Variants in ADGRB1 observed in about 807,000 individuals in gnomAD.
ADGRB1 encodes adhesion G protein-coupled receptor B1.
ADGRB1 carries 36 observed loss-of-function variants against 175.7 expected under a neutral mutation model. That is an observed-to-expected ratio of 0.20 (90% CI 0.16 to 0.27). The LOEUF is 0.27. Ranked by LOEUF, ADGRB1 falls within the 10% of genes least tolerant of loss-of-function variation. The pLI, the probability that ADGRB1 is intolerant of heterozygous loss-of-function variation, is 1.00. For synonymous variants in ADGRB1, 1,054 were observed against 979.4 expected (o/e 1.08, Z -1.42); for missense variants, 1,731 against 2,255.3 (o/e 0.77, Z 4.71).
intron 3 of ADGRB1, among the ~76,000 whole-genome samples, chr8:142,476,256 C>G (rs1840967061): frequency 6.6e-6 from 1 of 152,184 alleles, no homozygotes; most frequent in Non-Finnish European, 1.5e-5. Context: ...TGGGGAGGGC[C>G]CCGGGGCATC....
intron 30 of ADGRB1, among the ~76,000 whole-genome samples, 189 bp from the exon 31 acceptor site, chr8:142,544,031 A>G (rs1845446684): frequency 1.3e-5 from 2 of 151,890 alleles, no homozygotes; most frequent in South Asian, 4.2e-4. Context: ...TGGGGAGAGG[A>G]TCTGTGCCTG....
chr8:142,533,306 G>T lies in ADGRB1; in HGVS notation c.3410G>T (p.Trp1137Leu). 1 of 1,544,632 alleles carries T rather than the reference G, an allele frequency of 6.5e-7. No individual in the cohort carries two copies. ...KLKERAGASLWSSCVVLPLLA... is the reference protein window; with the variant it reads ...KLKERAGASLLSSCVVLPLLA... ...CCCTCCATCCCCAGGGCCTCCCTGT[G>T]GAGCTCCTGCGTGGTGCTGCCGCTG... The change falls in exon 25 of 31, where the codon TGG becomes TTG. Residue 1137 changes from tryptophan (W) to leucine (L), a missense_variant. Trp to Leu is a moderately conservative substitution (Grantham distance 61, BLOSUM62 -2). Coordinates refer to ENST00000517894, the MANE Select transcript of ADGRB1 (RefSeq NM_001702.3).
chr8:142,450,569 G>GC (rs1839286479), intron 1 of ADGRB1, among the ~76,000 whole-genome samples: 1 of 152,014 alleles, frequency 6.6e-6, no homozygotes, highest in Admixed American at 6.5e-5. Flanking sequence ...GCTCCGGAGA[G>GC]CCCCCGAGCG....
chr8:142,477,204 C>T lies in ADGRB1; in HGVS notation c.1148C>T (p.Ser383Phe), dbSNP rs1212992283. 1.9e-6 allele frequency: 3 copies of T among 1,600,090 alleles called. No individual in the cohort carries two copies. Among genetic ancestry groups the T allele is most frequent in the African/African-American group, 2.7e-5 (2 of 74,844 alleles). Residue 383 changes from serine to phenylalanine, a missense_variant, in exon 5 of 31, where the codon TCC (serine) becomes TTC (phenylalanine). Transcript: ENST00000517894. The stretch of plus-strand genomic sequence containing the variant: ...CAGACCCGCACGCGCTTCTGCGTGT[C>T]CTCCTCCTACAGCACGCAGTGCAGC... ...GWQTRTRFCV[S>F]SSYSTQCSGP... is the part of the protein sequence containing the mutation.
chr8:142,475,334 C>A, intron 2 of ADGRB1, 140 bp from the exon 3 acceptor site: 1 of 896,078 alleles, frequency 1.1e-6, no homozygotes, highest in Non-Finnish European at 1.5e-6. Flanking sequence ...CCCCCAGGTC[C>A]TCCCAGGCCA....
At chr8:142,490,673 A>G (rs1440531039) in intron 16 of ADGRB1, 99 bp from the exon 17 acceptor site, 1 of 1,380,434 alleles carries the variant, frequency 7.2e-7, no homozygotes, top group African/African-American at 1.4e-5. Flanking sequence ...CACAGGTAGC[A>G]TGCCTGGTAG....
chr8:142,484,507 A>G (rs1841557453), intron 12 of ADGRB1, 149 bp from the exon 13 acceptor site: 1 of 763,680 alleles, frequency 1.3e-6, no homozygotes, highest in African/African-American at 1.8e-5. Context: ...TCTCATCCCC[A>G]AAGTGGGGTA....
At chr8:142,471,095 G>T (rs1006680760) in intron 2 of ADGRB1, among the ~76,000 whole-genome samples, 1 of 152,034 alleles carries the variant, frequency 6.6e-6, no homozygotes, top group African/African-American at 2.4e-5. Flanking sequence ...CACTGTCAGG[G>T]GTTTCTGGCT....
At chr8:142,465,595 C>T (rs1170314662) in intron 2 of ADGRB1, among the ~76,000 whole-genome samples, 1 of 152,076 alleles carries the variant, frequency 6.6e-6, no homozygotes, top group East Asian at 1.9e-4. Context: ...GCAGTGAAAA[C>T]CCTCCAGAGC....
Position 142,544,594 on chromosome 8 carries a change from C to A in ADGRB1, c.*177C>A. 1 of 737,374 alleles carries A rather than the reference C, an allele frequency of 1.4e-6. No homozygotes were observed. The highest frequency in any genetic ancestry group is 1.9e-6 in the Non-Finnish European group (1 of 514,534). 45.7% of individuals were successfully genotyped at this position (737,374 alleles called of 1,614,324 possible). On this transcript the variant is annotated 3_prime_UTR_variant, in exon 31 of 31. Coordinates refer to ENST00000517894, the MANE Select transcript of ADGRB1 (RefSeq NM_001702.3). ...GCAGTGCTGGGACCAGAGCCAGATG[C>A]AGGACAGGAGGCGGCCCGGCCAGCG...
At position 142,484,564 on chromosome 8, in the gene ADGRB1, A is replaced by C. The variant is rs1841559850; in HGVS notation, c.2200-92A>C. ...TTCCTCAAAATGTTAGGAAATGGCC[A>C]ATAAGAAAAGGAGGGACAGGGAAGG... On this transcript the variant is annotated intron_variant, in intron 12 of 30. Coordinates refer to ENST00000517894, the MANE Select transcript of ADGRB1 (RefSeq NM_001702.3). 3.9e-6 allele frequency: 5 copies of C among 1,285,234 alleles called. 1 individual carries two copies. Among genetic ancestry groups the C allele is most frequent in the Non-Finnish European group, 5.3e-6 (5 of 941,886 alleles). 79.6% of individuals were successfully genotyped at this position (1,285,234 alleles called of 1,614,324 possible). A position where few individuals can be genotyped will look rare whatever the true frequency, so the allele number is the denominator to read the frequency against.
intron 2 of ADGRB1, among the ~76,000 whole-genome samples, chr8:142,471,529 GCAA>G (rs1281742075): frequency 6.6e-6 from 1 of 152,224 alleles, no homozygotes; most frequent in Non-Finnish European, 1.5e-5. Flanking sequence ...AGAAAAGGAA[GCAA>G]CAAGACTCGG....
At chr8:142,472,981 G>A (rs967519400) in intron 2 of ADGRB1, among the ~76,000 whole-genome samples, 2 of 152,010 alleles carry the variant, frequency 1.3e-5, no homozygotes, top group African/African-American at 2.4e-5. Context: ...CCAGTGTCCC[G>A]CCCCTCCGAA....
At chr8:142,526,473 C>G in intron 23 of ADGRB1, 69 bp from the exon 24 acceptor site, 1 of 1,386,224 alleles carries the variant, frequency 7.2e-7, no homozygotes, top group East Asian at 2.5e-5. Flanking sequence ...AGCATCGGTC[C>G]GGCCAGTGTC....
rs564712190 is a variant in ADGRB1 at position 142,542,713 on chromosome 8, C to G, written c.4413+66C>G. ...GCAGGGCTGCAGCAGCTGGGTCACC[C>G]CTGCTGGGTGGGACCCCCACGCCGT... is the stretch of plus-strand genomic sequence containing the variant. On this transcript the variant is annotated intron_variant, in intron 28 of 30. Coordinates refer to ENST00000517894, the MANE Select transcript of ADGRB1 (RefSeq NM_001702.3). The surrounding 1 kb of genome is among the most constrained non-coding windows in gnomAD (Gnocchi z 6.3). 1.5e-4 allele frequency: 210 copies of G among 1,411,818 alleles called. No homozygotes were observed. The highest frequency in any genetic ancestry group is 3.6e-4 in the Middle Eastern group (2 of 5,566). 87.5% of individuals were successfully genotyped at this position (1,411,818 alleles called of 1,614,324 possible).
At chr8:142,508,397 C>A (rs1344216820) in intron 17 of ADGRB1, among the ~76,000 whole-genome samples, 1 of 152,136 alleles carries the variant, frequency 6.6e-6, no homozygotes, top group East Asian at 1.9e-4. Flanking sequence ...CTTGGAAAAC[C>A]CTCTGGCCAG....
In ADGRB1 at chr8:142,544,326, C is replaced by T. The variant is rs1268385713; in HGVS notation, c.4664C>T (p.Pro1555Leu). The T allele has an allele frequency of 5.2e-6, 8 of 1,548,608 alleles. No homozygotes were observed. The highest frequency in any genetic ancestry group is 2.0e-5 in the Admixed American group (1 of 50,740). ...GAGCTGGAGCCGCTGCAGCCGTCGC[C>T]GCTGGAGCTTCGCAGCGTGGAGTGG... ...KKELEPLQPS[P>L]LELRSVEWER... is the part of the protein sequence containing the mutation. Residue 1555 changes from proline to leucine, a missense_variant, in exon 31 of 31, where the codon CCG becomes CTG. Coordinates refer to ENST00000517894, the MANE Select transcript of ADGRB1 (RefSeq NM_001702.3).
chr8:142,523,221 G>GC (rs1298616329), intron 22 of ADGRB1, among the ~76,000 whole-genome samples: 1 of 152,240 alleles, frequency 6.6e-6, no homozygotes, highest in East Asian at 1.9e-4. Context: ...AAGCCAGGAA[G>GC]CTTGGGGTCA....
At chr8:142,535,328 G>T (rs1264663083) in intron 25 of ADGRB1, among the ~76,000 whole-genome samples, 1 of 152,108 alleles carries the variant, frequency 6.6e-6, no homozygotes, top group African/African-American at 2.4e-5. Context: ...TTGGCAAATG[G>T]GGTCAGGGAA....
Sources: allele counts gnomAD v4.1 joint callset (sites outside exome capture counted in the v4.1 genomes callset), GRCh38; gene constraint gnomAD v4.1.1; non-coding constraint Gnocchi (gnomAD v3.1); transcripts MANE v1.5; gene names NCBI Gene and HGNC (gene_info 2026-07-23, HGNC 2026-07-21).